DLGAP1: variants seen among roughly 807,000 people sequenced by gnomAD.
DLGAP1 encodes the protein DLG associated protein 1.
In DLGAP1, 11 loss-of-function variants were observed where a neutral mutation model predicts 90.8. The ratio of observed to expected loss-of-function variants is 0.12; its 90% CI spans 0.08 to 0.20. DLGAP1 has a LOEUF of 0.20. Among genes scored for constraint, DLGAP1 ranks in the 10% least tolerant of loss-of-function variants. DLGAP1 has a pLI of 1.00. For synonymous variants in DLGAP1, 558 were observed against 540.7 expected (o/e 1.03, Z -0.44); for missense variants, 1,050 against 1,333.8 (o/e 0.79, Z 3.31).
At chr18:3,967,061 G>C (rs570218101) in intron 3 of DLGAP1, among the ~76,000 whole-genome samples, 13 of 152,276 alleles carry the variant, frequency 8.5e-5, no homozygotes, top group African/African-American at 3.1e-4. Context: ...CTGGAGAAGA[G>C]AGTAGTTTAA....
intron 3 of DLGAP1, chr18:3,977,819 C>A: frequency 2.6e-6 from 1 of 385,212 alleles, no homozygotes; most frequent in South Asian, 2.1e-5. Context: ...ACCTGGTGCT[C>A]AGTGTAGCCC....
intron 4 of DLGAP1, chr18:3,821,925 A>C: frequency 1.0e-6 from 1 of 985,044 alleles, no homozygotes; most frequent in Non-Finnish European, 1.2e-6. Context: ...CAGCTGGGAG[A>C]ACTGCTTTTC....
intron 4 of DLGAP1, among the ~76,000 whole-genome samples, chr18:3,863,744 C>T (rs868031633): frequency 2.0e-5 from 3 of 152,352 alleles, no homozygotes; most frequent in African/African-American, 4.8e-5. Flanking sequence ...CGCTCAGCCC[C>T]ACCACCTCTG....
chr18:3,527,745 C>G (rs962629824), intron 10 of DLGAP1, among the ~76,000 whole-genome samples: 3 of 151,844 alleles, frequency 2.0e-5, no homozygotes, highest in Admixed American at 1.3e-4. Flanking sequence ...TGCATGCCAC[C>G]AAGCCTGCCT....
intron 7 of DLGAP1, among the ~76,000 whole-genome samples, chr18:3,600,981 GATATAGAT>G (rs377416543): frequency 0.051 from 3,644 of 71,134 alleles, 1,147 homozygotes; most frequent in Non-Finnish European, 0.087. Context: ...TAGATATATA[GATATAGAT>G]ATATAGATAT....
At chr18:3,990,633 TA>T (rs1375798615) in intron 3 of DLGAP1, among the ~76,000 whole-genome samples, 13 of 138,266 alleles carry the variant, frequency 9.4e-5, no homozygotes, top group Non-Finnish European at 1.9e-4. Flanking sequence ...TAAAATATAA[TA>T]ATAATAATAA....
intron 1 of DLGAP1, among the ~76,000 whole-genome samples, chr18:4,194,528 A>G (rs994591502): frequency 3.9e-5 from 6 of 152,244 alleles, no homozygotes; most frequent in Non-Finnish European, 8.8e-5. Flanking sequence ...ACAATTTTAT[A>G]TGTATAACTC....
chr18:3,622,201 T>C (rs1443633740), intron 7 of DLGAP1, among the ~76,000 whole-genome samples: 2 of 151,734 alleles, frequency 1.3e-5, no homozygotes, highest in Non-Finnish European at 2.9e-5. Flanking sequence ...GCCTCCCAGG[T>C]TCATGCCATT....
chr18:4,063,181 G>A (rs1168898119), intron 2 of DLGAP1, among the ~76,000 whole-genome samples: 2 of 152,036 alleles, frequency 1.3e-5, no homozygotes, highest in African/African-American at 4.8e-5. Flanking sequence ...TCTAATGAGA[G>A]GCGATAAATG....
intron 1 of DLGAP1, among the ~76,000 whole-genome samples, chr18:4,360,706 C>T (rs146436160): frequency 2.9e-4 from 44 of 152,212 alleles, no homozygotes; most frequent in African/African-American, 1.0e-3. Context: ...AGGCCAGGTG[C>T]AGTGGCTCAA....
chr18:3,933,595 A>G (rs1408515748), intron 3 of DLGAP1, among the ~76,000 whole-genome samples: 3 of 152,186 alleles, frequency 2.0e-5, no homozygotes, highest in Non-Finnish European at 4.4e-5. Context: ...GAAAAATAAC[A>G]CAGCAGCTTT....
intron 1 of DLGAP1, among the ~76,000 whole-genome samples, chr18:4,245,648 C>T (rs1045521498): frequency 5.3e-5 from 8 of 152,200 alleles, no homozygotes; most frequent in African/African-American, 1.7e-4. Context: ...ATTCGTTGAC[C>T]TTACAGCAGG....
intron 3 of DLGAP1, among the ~76,000 whole-genome samples, chr18:4,004,194 T>C (rs919268655): frequency 3.9e-5 from 6 of 152,354 alleles, no homozygotes; most frequent in East Asian, 1.9e-4. Flanking sequence ...TTCTCTATTG[T>C]GGATGATGTA....
At chr18:3,971,601 G>A (rs1315821666) in intron 3 of DLGAP1, among the ~76,000 whole-genome samples, 2 of 152,162 alleles carry the variant, frequency 1.3e-5, no homozygotes, top group East Asian at 1.9e-4. Context: ...TTTGCAGACT[G>A]CATTTTATAT....
chr18:3,918,575 C>T (rs1443959710), intron 3 of DLGAP1, among the ~76,000 whole-genome samples: 1 of 152,096 alleles, frequency 6.6e-6, no homozygotes, highest in African/African-American at 2.4e-5. Flanking sequence ...ACTAGAGGTC[C>T]CTGGAAAAGC....
At chr18:3,573,285 T>A (rs2054913082) in intron 8 of DLGAP1, among the ~76,000 whole-genome samples, 1 of 152,272 alleles carries the variant, frequency 6.6e-6, no homozygotes, top group South Asian at 2.1e-4. Context: ...GCAGATCACC[T>A]GAGGTCAGGA....
chr18:3,994,544 A>G (rs1197975693), intron 3 of DLGAP1, among the ~76,000 whole-genome samples: 1 of 152,232 alleles, frequency 6.6e-6, no homozygotes, highest in African/African-American at 2.4e-5. Flanking sequence ...AGCTGAGAGG[A>G]GCTGAAATTT....
intron 7 of DLGAP1, among the ~76,000 whole-genome samples, chr18:3,601,093 T>C (rs546132689): frequency 6.7e-6 from 1 of 150,206 alleles, no homozygotes; most frequent in African/African-American, 2.4e-5. Flanking sequence ...TATATAGATA[T>C]ATATATTTTT....
chr18:4,371,819 C>T (rs1393229451), intron 1 of DLGAP1, among the ~76,000 whole-genome samples: 1 of 152,190 alleles, frequency 6.6e-6, no homozygotes, highest in Non-Finnish European at 1.5e-5. Context: ...CCTTTTGCTG[C>T]AGTACTTAAT....
Sources: allele counts gnomAD v4.1 joint callset (sites outside exome capture counted in the v4.1 genomes callset), GRCh38; gene constraint gnomAD v4.1.1; transcripts MANE v1.5; gene names NCBI Gene and HGNC (gene_info 2026-07-23, HGNC 2026-07-21).